Variants in TYW3 observed in about 807,000 individuals in gnomAD.
The protein encoded by TYW3 is tRNA-yW synthesizing protein 3 homolog.
In TYW3, 26 loss-of-function variants were observed where a neutral mutation model predicts 23.1. The observed-to-expected ratio is 1.13, with a 90% CI of 0.83 to 1.56. The LOEUF is 1.56. Among genes scored for constraint, TYW3 ranks in the 40% most tolerant of loss-of-function variants. The pLI is 0.00. For synonymous variants in TYW3, 102 were observed against 105.7 expected (o/e 0.97, Z 0.21); for missense variants, 316 against 311.9 (o/e 1.01, Z -0.10).
At chr1:74,733,539 C>T (rs1647998171) in intron 1 of TYW3, 121 bp downstream of exon 1, 2 of 1,448,722 alleles carry the variant, frequency 1.4e-6, no homozygotes, top group Non-Finnish European at 9.0e-7. Flanking sequence ...GGGGTGGTCT[C>T]TGTTTCTTTA....
At chr1:74,761,757 A>G (rs772236218) in intron 5 of TYW3, 1 of 152,220 alleles carries the variant, frequency 6.6e-6, no homozygotes, top group African/African-American at 2.4e-5. Flanking sequence ...AGTTTTCATC[A>G]ATGTAAGGAA....
rs569190896 is a variant in TYW3 at position 74,754,648 on chromosome 1, AC to A, written c.560+2224del. Among the ~76,000 whole-genome samples, 47 of 152,314 alleles carry A rather than the reference AC, an allele frequency of 3.1e-4. No homozygotes were observed. The East Asian group carries it at 5.8e-3, about 19-fold the overall frequency. ...TTTCAAAAACAAAAAATCCTGAAAA[AC>A]ATTTCAGCAATAAGAAATATTCTAT... On this transcript the variant is annotated intron_variant, in intron 5 of 5. Transcript: ENST00000370867.
intron 2 of TYW3, 78 bp downstream of exon 2, chr1:74,736,700 T>G: frequency 8.5e-7 from 1 of 1,172,940 alleles, no homozygotes; most frequent in Non-Finnish European, 1.2e-6. Context: ...AATAGAAAAT[T>G]CAAGGTAATT....
chr1:74,746,025 G>A (rs1267606352), intron 3 of TYW3, among the ~76,000 whole-genome samples: 1 of 152,194 alleles, frequency 6.6e-6, no homozygotes, highest in East Asian at 1.9e-4. Context: ...TCCAAATATA[G>A]TCACATTGGA....
intron 5 of TYW3, chr1:74,761,838 A>T (rs762132143): frequency 6.6e-6 from 1 of 152,132 alleles, no homozygotes; most frequent in Non-Finnish European, 1.5e-5. Flanking sequence ...AGCCGGTTTT[A>T]TTCTGACCTC....
chr1:74,733,305 A>C lies in TYW3; in HGVS notation c.61A>C (p.Ser21Arg). ...GCAATGTTTGAGCAAAGCGGACCTC[A>C]GCCGGAAGGGCAGTGTTGACGAGGA... Reference protein sequence around the residue: ...KAQCLSKADLSRKGSVDEDVV... With the variant: ...KAQCLSKADLRRKGSVDEDVV... The change falls in exon 1 of 6, where the codon AGC becomes CGC. Residue 21 changes from serine to arginine, a missense_variant. Coordinates refer to ENST00000370867, the MANE Select transcript of TYW3 (RefSeq NM_138467.3). The C allele has an allele frequency of 6.2e-7, 1 of 1,614,224 alleles. No homozygotes were observed. Among genetic ancestry groups the C allele is most frequent in the East Asian group, 2.2e-5 (1 of 44,886 alleles).
chr1:74,764,275 G>C lies in TYW3; in HGVS notation c.*162G>C. On this transcript the variant is annotated 3_prime_UTR_variant, in exon 6 of 6. Transcript: ENST00000370867. ...AACTTTGTTGCCCAGAGGATGTGCA[G>C]TTGTCATCTAAGCTCTCAGCAGTAC... The C allele has an allele frequency of 3.3e-6, 2 of 597,528 alleles. No individual in the cohort carries two copies. Among genetic ancestry groups the C allele is most frequent in the East Asian group, 2.9e-5 (1 of 34,546 alleles). The allele number at this position is 597,528 out of a possible 1,614,324, so 37.0% of individuals were successfully genotyped here. A position where few individuals can be genotyped will look rare whatever the true frequency, so the allele number is the denominator to read the frequency against.
At chr1:74,743,480 G>A (rs557111965) in intron 3 of TYW3, among the ~76,000 whole-genome samples, 25 of 152,224 alleles carry the variant, frequency 1.6e-4, no homozygotes, top group African/African-American at 4.1e-4. Flanking sequence ...GTTGACCCTC[G>A]AGTGAGTCGG....
intron 4 of TYW3, among the ~76,000 whole-genome samples, chr1:74,750,800 CTTTTTT>C (rs34468239): frequency 1.2e-4 from 8 of 67,650 alleles, no homozygotes; most frequent in Admixed American, 4.7e-4. Flanking sequence ...TCCCCCGCTC[CTTTTTT>C]TTTTTTTTTT....
Position 74,733,566 on chromosome 1 carries a change from G to A in TYW3, c.174+148G>A, listed in dbSNP as rs1336995986. ...GTTTCTTTATATGTGAAATTTAGGG[G>A]ATTAGATCAGTGCTTCTAAAAGTTT... On this transcript the variant is annotated intron_variant, in intron 1 of 5. Coordinates refer to ENST00000370867, the MANE Select transcript of TYW3 (RefSeq NM_138467.3). 5 of 1,432,910 alleles carry A rather than the reference G, an allele frequency of 3.5e-6. No individual in the cohort carries two copies. The African/African-American group carries it at 4.3e-5, about 12-fold the overall frequency. The allele number at this position is 1,432,910 out of a possible 1,614,324, so 88.8% of individuals were successfully genotyped here. A position where few individuals can be genotyped will look rare whatever the true frequency, so the allele number is the denominator to read the frequency against.
chr1:74,750,791 C>T (rs1243314991), intron 4 of TYW3, among the ~76,000 whole-genome samples: 1 of 146,038 alleles, frequency 6.8e-6, no homozygotes, highest in Non-Finnish European at 1.5e-5. Context: ...CCCTTTCTCT[C>T]CCCCGCTCCT....
intron 3 of TYW3, among the ~76,000 whole-genome samples, chr1:74,743,403 G>A (rs995494882): frequency 6.6e-6 from 1 of 152,028 alleles, no homozygotes; most frequent in Non-Finnish European, 1.5e-5. Context: ...AGGGCCCAGG[G>A]CTTGCTTTTG....
At chr1:74,749,509 TCTC>T (rs893523187) in intron 4 of TYW3, among the ~76,000 whole-genome samples, 1 of 152,068 alleles carries the variant, frequency 6.6e-6, no homozygotes, top group African/African-American at 2.4e-5. Flanking sequence ...CCTATTCTGA[TCTC>T]CTGTGATATT....
Position 74,736,633 on chromosome 1 carries a change from A to C in TYW3, c.255+11A>C. On this transcript the variant is annotated intron_variant, in intron 2 of 5. Coordinates refer to ENST00000370867, the MANE Select transcript of TYW3 (RefSeq NM_138467.3). ...GTAAAAGATGATGTGGTAAGTTTTA[A>C]AAAATAAATTTGGAAATAAACTTTT... 6.4e-7 allele frequency: 1 copy of C among 1,572,934 alleles called. No individual in the cohort carries two copies.
At chr1:74,754,969 A>C (rs903089866) in intron 5 of TYW3, among the ~76,000 whole-genome samples, 1 of 152,210 alleles carries the variant, frequency 6.6e-6, no homozygotes, top group Non-Finnish European at 1.5e-5. Flanking sequence ...CTTTGAATCT[A>C]TTAATAAGCA....
At position 74,765,387 on chromosome 1, in the gene TYW3, G is replaced by A. The variant is rs1442736220; in HGVS notation, c.*1274G>A. On this transcript the variant is annotated 3_prime_UTR_variant, in exon 6 of 6. Coordinates refer to ENST00000370867, the MANE Select transcript of TYW3 (RefSeq NM_138467.3). ...CCAGGAAAGCATGGCAACTCGTTCA[G>A]CTATGTAAGTTGAACTCTGTACCAC... is the stretch of plus-strand genomic sequence containing the variant. The A allele has an allele frequency of 6.6e-6, 1 of 152,158 alleles. No homozygotes were observed. Among genetic ancestry groups the A allele is most frequent in the Non-Finnish European group, 1.5e-5 (1 of 68,046 alleles). The allele number at this position is 152,158 out of a possible 1,614,324, so 9.4% of individuals were successfully genotyped here.
chr1:74,737,953 T>G (rs928785201), intron 2 of TYW3, among the ~76,000 whole-genome samples: 1 of 152,184 alleles, frequency 6.6e-6, no homozygotes, highest in South Asian at 2.1e-4. Flanking sequence ...CACTTTGTGC[T>G]GCAGTAGCTC....
intron 4 of TYW3, among the ~76,000 whole-genome samples, chr1:74,751,987 A>G (rs1557748207): frequency 6.6e-6 from 1 of 152,196 alleles, no homozygotes. Context: ...GTCGTGTATT[A>G]TGGCTTTCTA....
intron 5 of TYW3, chr1:74,761,786 T>C: frequency 6.6e-6 from 1 of 152,246 alleles, no homozygotes; most frequent in Non-Finnish European, 1.5e-5. Flanking sequence ...TATTGGTAGA[T>C]GACATGAGGG....
Sources: gnomAD v4.1 joint callset for allele counts (sites outside exome capture counted in the v4.1 genomes callset) on GRCh38, gnomAD v4.1.1 for gene constraint, MANE v1.5 for transcripts, NCBI Gene and HGNC (gene_info 2026-07-23, HGNC 2026-07-21) for gene names.